Variants in OSBPL10 observed in about 807,000 individuals in gnomAD.
OSBPL10 encodes the protein oxysterol binding protein like 10.
In OSBPL10, 49 loss-of-function variants were observed where a neutral mutation model predicts 81.7. The observed-to-expected ratio is 0.60, with a 90% CI of 0.48 to 0.76. The LOEUF (loss-of-function observed/expected upper bound fraction) is 0.76. OSBPL10 is among the 30% of genes least tolerant of loss of function. The probability of loss-of-function intolerance (pLI) is 0.00; values close to 1 mark genes in which losing one functional copy is unlikely to be tolerated. For missense variants in OSBPL10, 923 were observed against 987.8 expected (o/e 0.93, Z 0.88); for synonymous variants, 419 against 383.6 (o/e 1.09, Z -1.08).
chr3:31,678,257 C>T (rs979060295), intron 8 of OSBPL10, among the ~76,000 whole-genome samples: 4 of 152,038 alleles, frequency 2.6e-5, no homozygotes, highest in Admixed American at 6.6e-5. Flanking sequence ...TTAAGTGAAA[C>T]GGCTAGAGAC....
chr3:31,664,764 GA>G (rs1156348741), intron 10 of OSBPL10: 1 of 176,034 alleles, frequency 5.7e-6, no homozygotes, highest in East Asian at 1.5e-4. Context: ...TTAGGGGTTA[GA>G]GGCTGATGCA....
intron 1 of OSBPL10, among the ~76,000 whole-genome samples, chr3:31,954,952 C>A (rs559917282): frequency 1.3e-5 from 2 of 152,226 alleles, no homozygotes; most frequent in African/African-American, 2.4e-5. Context: ...GTTGTAGAAT[C>A]CAGGTGGTAG....
intron 8 of OSBPL10, among the ~76,000 whole-genome samples, chr3:31,673,023 C>T (rs924820511): frequency 2.0e-5 from 3 of 152,212 alleles, no homozygotes; most frequent in Admixed American, 6.5e-5. Flanking sequence ...CTCTTCTCCA[C>T]TCCAACTTGC....
intron 3 of OSBPL10, among the ~76,000 whole-genome samples, chr3:31,856,729 G>T (rs1219226563): frequency 6.6e-6 from 1 of 152,202 alleles, no homozygotes; most frequent in Non-Finnish European, 1.5e-5. Flanking sequence ...CTAGTGTATT[G>T]TTCAGTAAGA....
chr3:32,037,834 C>G (rs917738193), intron 2 of OSBPL10, among the ~76,000 whole-genome samples: 1 of 152,014 alleles, frequency 6.6e-6, no homozygotes, highest in Non-Finnish European at 1.5e-5. Flanking sequence ...CAATCCCAGG[C>G]CTTGAAAGAG....
rs540216105 is a variant in OSBPL10 at position 32,014,662 on chromosome 3, G to T, written n.298+31829C>A. ...GAAAAGAGGAAGTCAAATTGTCCCTGTTTGCAGATGACATGACTGTATATC... is the reference window on the plus strand; with the variant it reads ...GAAAAGAGGAAGTCAAATTGTCCCTTTTTGCAGATGACATGACTGTATATC... On this transcript the variant is annotated intron_variant and non_coding_transcript_variant, in intron 2 of 3. Transcript: ENST00000479173. Among the ~76,000 whole-genome samples, 150 of 152,310 alleles carry T rather than the reference G, an allele frequency of 9.8e-4. 1 individual carries two copies. Among genetic ancestry groups the T allele is most frequent in the African/African-American group, 3.4e-3 (143 of 41,572 alleles).
chr3:31,965,851 A>T (rs13068842), intron 1 of OSBPL10, among the ~76,000 whole-genome samples: 6,533 of 61,604 alleles, frequency 0.11, 1,261 homozygotes, highest in African/African-American at 0.36. Flanking sequence ...ATTATATAAA[A>T]AGATAATATA....
At chr3:31,994,673 A>G (rs1398514940) in intron 2 of OSBPL10, among the ~76,000 whole-genome samples, 1 of 152,248 alleles carries the variant, frequency 6.6e-6, no homozygotes, top group Admixed American at 6.5e-5. Context: ...ATGAGACACC[A>G]AATCAGAAAA....
At chr3:31,918,909 T>C (rs948968232) in intron 1 of OSBPL10, among the ~76,000 whole-genome samples, 1 of 152,166 alleles carries the variant, frequency 6.6e-6, no homozygotes, top group Non-Finnish European at 1.5e-5. Context: ...AGGCCACAAA[T>C]AGCCCATCCA....
chr3:32,068,417 C>G (rs796366250), intron 1 of OSBPL10, among the ~76,000 whole-genome samples: 1 of 152,120 alleles, frequency 6.6e-6, no homozygotes, highest in African/African-American at 2.4e-5. Context: ...CTCCCCACCC[C>G]CCTTCTCCGT....
intron 1 of OSBPL10, chr3:32,046,631 T>C (rs975051533): frequency 1.3e-5 from 2 of 152,202 alleles, no homozygotes; most frequent in Non-Finnish European, 2.9e-5. Context: ...GAGACTTTCT[T>C]ACTATAAATC....
At chr3:31,918,851 C>CA (rs1696831101) in intron 1 of OSBPL10, among the ~76,000 whole-genome samples, 1 of 152,144 alleles carries the variant, frequency 6.6e-6, no homozygotes, top group South Asian at 2.1e-4. Flanking sequence ...TAAATCATGG[C>CA]AACTAGTGAT....
At chr3:32,025,073 T>C (rs1242320965) in intron 2 of OSBPL10, among the ~76,000 whole-genome samples, 1 of 152,156 alleles carries the variant, frequency 6.6e-6, no homozygotes, top group African/African-American at 2.4e-5. Context: ...ACCTTGTTCA[T>C]GATCTTAGGA....
intron 1 of OSBPL10, among the ~76,000 whole-genome samples, chr3:31,951,461 GA>G (rs1697867610): frequency 6.6e-6 from 1 of 152,038 alleles, no homozygotes; most frequent in African/African-American, 2.4e-5. Flanking sequence ...TTACCTAAAA[GA>G]GGGGAGGAAA....
chr3:32,052,317 T>C (rs1699676130), intron 1 of OSBPL10, among the ~76,000 whole-genome samples: 1 of 152,132 alleles, frequency 6.6e-6, no homozygotes, highest in South Asian at 2.1e-4. Flanking sequence ...AGAGATTAGA[T>C]TTGCTAAATG....
chr3:31,921,574 A>C (rs1696916709), intron 1 of OSBPL10, among the ~76,000 whole-genome samples: 1 of 152,200 alleles, frequency 6.6e-6, no homozygotes. Flanking sequence ...CCAGAGTAAA[A>C]AATAAATATG....
intron 1 of OSBPL10, among the ~76,000 whole-genome samples, chr3:31,912,033 C>T (rs111476519): frequency 4.3e-4 from 65 of 149,956 alleles, no homozygotes; most frequent in African/African-American, 1.5e-3. Context: ...TACAGTATGC[C>T]GAAAAAAACA....
At chr3:32,028,190 T>C (rs926139107) in intron 2 of OSBPL10, among the ~76,000 whole-genome samples, 3 of 152,206 alleles carry the variant, frequency 2.0e-5, no homozygotes, top group South Asian at 2.1e-4. Flanking sequence ...GATATAAATG[T>C]ATGTGTTACA....
chr3:31,782,236 G>A (rs1297979049), intron 4 of OSBPL10, among the ~76,000 whole-genome samples: 1 of 152,136 alleles, frequency 6.6e-6, no homozygotes, highest in Non-Finnish European at 1.5e-5. Flanking sequence ...CAAACCACAT[G>A]TACAAGAATG....
Sources: gnomAD v4.1 joint callset for allele counts (sites outside exome capture counted in the v4.1 genomes callset) on GRCh38, gnomAD v4.1.1 for gene constraint, MANE v1.5 for transcripts, NCBI Gene and HGNC (gene_info 2026-07-23, HGNC 2026-07-21) for gene names.